AHRR: variants seen among roughly 807,000 people sequenced by gnomAD.
AHRR encodes the protein ahR repressor.
AHRR carries 28 observed loss-of-function variants against 44.0 expected under a neutral mutation model. The observed-to-expected ratio is 0.64, with a 90% CI of 0.47 to 0.87. AHRR has a LOEUF of 0.87. AHRR is among the 40% of genes least tolerant of loss of function. The pLI is 0.00. For missense variants in AHRR, 990 were observed against 953.9 expected (o/e 1.04, Z -0.50); for synonymous variants, 434 against 407.0 (o/e 1.07, Z -0.80).
At chr5:389,769 C>T (rs920702956) in intron 4 of AHRR, among the ~76,000 whole-genome samples, 6 of 151,710 alleles carry the variant, frequency 4.0e-5, no homozygotes, top group Non-Finnish European at 7.4e-5. Flanking sequence ...CTGGCACCTG[C>T]GCCAGCATTG....
chr5:433,166 C>A (rs1736820065), intron 10 of AHRR, among the ~76,000 whole-genome samples: 1 of 152,226 alleles, frequency 6.6e-6, no homozygotes, highest in African/African-American at 2.4e-5. Context: ...CCCCGGGAAG[C>A]AGTGGTCCAG....
rs1734045983 is a variant in AHRR, at chr5:383,024, T to G, written c.351+6308T>G. ...TTTACTTGGAACTTTCTCTTCAACT[T>G]GTGTTATTTAGAAGTATGTTGTTTA... On this transcript the variant is annotated intron_variant, in intron 4 of 10. Transcript: ENST00000684583. The surrounding 1 kb of genome is among the most constrained non-coding windows in gnomAD (Gnocchi z 4.0). Among the ~76,000 whole-genome samples the G allele has an allele frequency of 1.3e-5, 2 of 152,242 alleles. No homozygotes were observed. Among genetic ancestry groups the G allele is most frequent in the South Asian group, 4.1e-4 (2 of 4,832 alleles).
At chr5:365,214 C>T (rs969222801) in intron 3 of AHRR, among the ~76,000 whole-genome samples, 9 of 151,978 alleles carry the variant, frequency 5.9e-5, no homozygotes, top group Non-Finnish European at 8.8e-5. Flanking sequence ...TTTCAAAGCC[C>T]GCATGGAACT....
intron 5 of AHRR, among the ~76,000 whole-genome samples, chr5:421,903 C>A (rs1736143439): frequency 6.6e-6 from 1 of 152,194 alleles, no homozygotes; most frequent in Non-Finnish European, 1.5e-5. Flanking sequence ...TTAGGAAGAA[C>A]CACTTGGTTA....
chr5:354,011 T>A (rs1579615971), intron 3 of AHRR, 100 bp downstream of exon 3: 2 of 1,278,530 alleles, frequency 1.6e-6, no homozygotes, highest in South Asian at 2.8e-5. Context: ...GTCTGGTGGG[T>A]TGCACCATGT....
At chr5:327,306 T>C (rs1298076550) in intron 1 of AHRR, among the ~76,000 whole-genome samples, 1 of 152,148 alleles carries the variant, frequency 6.6e-6, no homozygotes, top group Non-Finnish European at 1.5e-5. Context: ...CAAGTCAAAG[T>C]TTTTAGGGCG....
chr5:367,967 C>G (rs967486425), intron 3 of AHRR: 2 of 702,278 alleles, frequency 2.8e-6, no homozygotes, highest in Non-Finnish European at 5.2e-6. Context: ...GGACTGATAG[C>G]CACTGACCGC....
At chr5:425,746 G>A (rs1422026643) in intron 7 of AHRR, among the ~76,000 whole-genome samples, 2 of 152,210 alleles carry the variant, frequency 1.3e-5, no homozygotes, top group Non-Finnish European at 2.9e-5. Flanking sequence ...AGAGAAATTA[G>A]ATTGATGCTA....
intron 4 of AHRR, among the ~76,000 whole-genome samples, chr5:390,850 G>A (rs546026904): frequency 3.3e-5 from 5 of 152,310 alleles, no homozygotes; most frequent in South Asian, 2.1e-4. Flanking sequence ...GGGAGGAAAC[G>A]CACAAACGCC....
intron 5 of AHRR, among the ~76,000 whole-genome samples, chr5:414,281 T>TAAAA (rs200474713): frequency 6.6e-6 from 1 of 151,606 alleles, no homozygotes; most frequent in African/African-American, 2.4e-5. Flanking sequence ...AAATAAAAAA[T>TAAAA]AAAAAAATCC....
At chr5:402,254 C>T (rs1735043750) in intron 4 of AHRR, among the ~76,000 whole-genome samples, 1 of 152,254 alleles carries the variant, frequency 6.6e-6, no homozygotes, top group African/African-American at 2.4e-5. Context: ...GCTCCTCTCA[C>T]ACCATCAGGA....
At chr5:333,256 T>G (rs899764692) in intron 1 of AHRR, among the ~76,000 whole-genome samples, 1 of 152,170 alleles carries the variant, frequency 6.6e-6, no homozygotes, top group Non-Finnish European at 1.5e-5. Flanking sequence ...CAGCATATAG[T>G]TGAATCATGC....
chr5:353,231 G>A (rs181106866), intron 2 of AHRR, among the ~76,000 whole-genome samples: 10 of 152,322 alleles, frequency 6.6e-5, no homozygotes, highest in Admixed American at 5.2e-4. Context: ...AGCTCGGAGC[G>A]GCCTTGGGCA....
intron 3 of AHRR, among the ~76,000 whole-genome samples, chr5:354,324 C>T (rs1742968721): frequency 6.6e-6 from 1 of 152,210 alleles, no homozygotes; most frequent in Non-Finnish European, 1.5e-5. Flanking sequence ...TGTGGATGAG[C>T]AGGGCTGGGC....
At position 434,593 on chromosome 5, in the gene AHRR, G is replaced by A; in HGVS notation, c.1853G>A (p.Cys618Tyr). 3.1e-5 allele frequency: 49 copies of A among 1,572,268 alleles called. No homozygotes were observed. The highest frequency in any genetic ancestry group is 4.2e-5 in the Non-Finnish European group (49 of 1,159,202). Residue 618 changes from cysteine (C) to tyrosine (Y), a missense_variant, in exon 11 of 11, where the codon TGC (cysteine) becomes TAC (tyrosine). Cys to Tyr is a radical substitution (Grantham distance 194, BLOSUM62 -2). Coordinates refer to ENST00000684583, the MANE Select transcript of AHRR (RefSeq NM_001377236.1). ...LTPFHPAHCACLEPTDGLPQS... is the reference protein window; with the variant it reads ...LTPFHPAHCAYLEPTDGLPQS... ...CCTTTCCACCCTGCACACTGTGCCT[G>A]CCTGGAGCCCACAGACGGCCTTCCC...
chr5:403,846 C>CA, intron 4 of AHRR: 1 of 1,571,200 alleles, frequency 6.4e-7, no homozygotes, highest in Non-Finnish European at 8.8e-7. Context: ...GCTCAAAGGA[C>CA]AAAGAACCCA....
At chr5:353,607 G>A (rs190165143) in intron 2 of AHRR, 123 bp from the exon 3 acceptor site, 20 of 877,526 alleles carry the variant, frequency 2.3e-5, no homozygotes, top group Middle Eastern at 3.5e-4. Context: ...TCCTCTTCCC[G>A]TCTTTTGTCC....
intron 2 of AHRR, among the ~76,000 whole-genome samples, chr5:344,342 C>T (rs1232630369): frequency 3.3e-5 from 5 of 149,372 alleles, no homozygotes; most frequent in African/African-American, 9.8e-5. Context: ...GGGTGTGGCA[C>T]GGCCGGGTGT....
chr5:335,764 A>G (rs565849616), intron 1 of AHRR, among the ~76,000 whole-genome samples: 2 of 152,270 alleles, frequency 1.3e-5, no homozygotes, highest in East Asian at 3.9e-4. Flanking sequence ...GCTGTTGGAG[A>G]CAAAAGCTGA....
Sources: allele counts gnomAD v4.1 joint callset (sites outside exome capture counted in the v4.1 genomes callset), GRCh38; gene constraint gnomAD v4.1.1; non-coding constraint Gnocchi (gnomAD v3.1); transcripts MANE v1.5; gene names NCBI Gene and HGNC (gene_info 2026-07-23, HGNC 2026-07-21).